GPC6: variants seen among roughly 807,000 people sequenced by gnomAD.
The protein encoded by GPC6 is glypican-6.
GPC6 carries 14 observed loss-of-function variants against 55.2 expected under a neutral mutation model. That is an observed-to-expected ratio of 0.25 (90% confidence interval 0.17 to 0.40). GPC6 has a LOEUF of 0.40. Among genes scored for constraint, GPC6 ranks in the 10% least tolerant of loss-of-function variants. The pLI is 1.00. For missense variants in GPC6, 641 were observed against 708.5 expected (o/e 0.90, Z 1.08); for synonymous variants, 278 against 259.6 (o/e 1.07, Z -0.68).
intron 2 of GPC6, among the ~76,000 whole-genome samples, chr13:93,594,861 C>T (rs1344327603): frequency 6.6e-6 from 1 of 151,214 alleles, no homozygotes; most frequent in African/African-American, 2.4e-5. Flanking sequence ...TTTAGAAGTG[C>T]ACTTATTCTA....
At chr13:93,658,103 A>G (rs1880762444) in intron 2 of GPC6, among the ~76,000 whole-genome samples, 1 of 152,012 alleles carries the variant, frequency 6.6e-6, no homozygotes, top group African/African-American at 2.4e-5. Context: ...TTTAAGTGTA[A>G]CATTTGATGA....
rs7988521 is a variant in GPC6, at chr13:94,083,353, T to C, written c.877+55459T>C. Reference sequence around the variant, plus strand: ...CAGGATGGTCTCGATCTCCTGACCTTGTGATGCGCCCACCTTGGCCTCCCA... The same window carrying C: ...CAGGATGGTCTCGATCTCCTGACCTCGTGATGCGCCCACCTTGGCCTCCCA... On this transcript the variant is annotated intron_variant, in intron 4 of 8. Coordinates refer to ENST00000377047, the MANE Select transcript of GPC6 (RefSeq NM_005708.5). 6.7e-3 allele frequency among the ~76,000 whole-genome samples: 1,021 copies of C among 152,256 alleles called. 11 individuals carry two copies. Among genetic ancestry groups the C allele is most frequent in the African/African-American group, 0.023 (951 of 41,570 alleles).
Position 93,556,398 on chromosome 13 carries a change from G to GTATATA in GPC6, c.319+10980_319+10981insATATAT, listed in dbSNP as rs1555311039. 1.4e-4 allele frequency among the ~76,000 whole-genome samples: 16 copies of GTATATA among 114,610 alleles called. 1 individual carries two copies. The highest frequency in any genetic ancestry group is 5.0e-4 in the Admixed American group (5 of 9,998). 75.2% of individuals were successfully genotyped at this position (114,610 alleles called of 152,430 possible). On this transcript the variant is annotated intron_variant, in intron 2 of 8. Coordinates refer to ENST00000377047, the MANE Select transcript of GPC6 (RefSeq NM_005708.5). ...AGTGTGTGTGTGTGTGTGTGTGTATGTATGTATATGTATATATATATATAT... is the reference window on the plus strand; with the variant it reads ...AGTGTGTGTGTGTGTGTGTGTGTATGTATATATATGTATATGTATATATATATATAT...
intron 2 of GPC6, among the ~76,000 whole-genome samples, chr13:93,682,620 C>A (rs1881889246): frequency 6.6e-6 from 1 of 151,988 alleles, no homozygotes; most frequent in Admixed American, 6.6e-5. Context: ...CTAAGTAGTT[C>A]CTAATAATTG....
At chr13:94,211,783 C>T (rs1363886338) in intron 4 of GPC6, among the ~76,000 whole-genome samples, 1 of 152,196 alleles carries the variant, frequency 6.6e-6, no homozygotes, top group Non-Finnish European at 1.5e-5. Flanking sequence ...CTATTATATA[C>T]CAACAGAGTT....
At chr13:93,614,171 A>G (rs1346603636) in intron 2 of GPC6, among the ~76,000 whole-genome samples, 2 of 152,178 alleles carry the variant, frequency 1.3e-5, no homozygotes, top group East Asian at 3.9e-4. Context: ...TACCATGTTA[A>G]CATAAATGTT....
intron 4 of GPC6, among the ~76,000 whole-genome samples, chr13:94,161,269 C>T (rs1341886752): frequency 6.6e-6 from 1 of 150,658 alleles, no homozygotes; most frequent in East Asian, 1.9e-4. Context: ...GCATCCACAA[C>T]CATTTCCTCA....
intron 3 of GPC6, among the ~76,000 whole-genome samples, chr13:93,955,184 T>C (rs1879446736): frequency 6.6e-6 from 1 of 151,298 alleles, no homozygotes; most frequent in Non-Finnish European, 1.5e-5. Flanking sequence ...TTTGATATCT[T>C]CTTGCCAGTG....
chr13:94,020,741 C>T (rs1882663614), intron 3 of GPC6, among the ~76,000 whole-genome samples: 2 of 152,148 alleles, frequency 1.3e-5, no homozygotes, highest in Non-Finnish European at 2.9e-5. Flanking sequence ...AATGACTGAA[C>T]ATGAACATAT....
At chr13:93,586,314 G>A (rs1322807069) in intron 2 of GPC6, among the ~76,000 whole-genome samples, 2 of 152,136 alleles carry the variant, frequency 1.3e-5, no homozygotes, top group Non-Finnish European at 2.9e-5. Context: ...TGGCTGCATA[G>A]TATTCCATGG....
intron 1 of GPC6, among the ~76,000 whole-genome samples, chr13:93,540,845 C>G (rs976157353): frequency 8.5e-5 from 13 of 152,234 alleles, no homozygotes; most frequent in African/African-American, 3.1e-4. Context: ...CTCTTACTTT[C>G]CTCTACCCTT....
intron 3 of GPC6, among the ~76,000 whole-genome samples, chr13:93,929,051 T>C (rs1303434172): frequency 6.6e-6 from 1 of 152,160 alleles, no homozygotes; most frequent in Non-Finnish European, 1.5e-5. Flanking sequence ...TTCTGTGGAG[T>C]GTGCTTGTCA....
At chr13:93,417,451 C>T (rs1208138862) in intron 1 of GPC6, among the ~76,000 whole-genome samples, 1 of 152,062 alleles carries the variant, frequency 6.6e-6, no homozygotes, top group Non-Finnish European at 1.5e-5. Flanking sequence ...TGAGCTCCCA[C>T]ACCCAGAAAC....
intron 1 of GPC6, among the ~76,000 whole-genome samples, chr13:93,392,063 A>G (rs755901813): frequency 2.0e-5 from 3 of 152,222 alleles, no homozygotes; most frequent in Non-Finnish European, 2.9e-5. Context: ...TTATAGTGAA[A>G]TAGAATAACA....
At chr13:93,216,932 C>A in the GPC6 span, among the ~76,000 whole-genome samples, 2 of 152,016 alleles carry the variant, frequency 1.3e-5, no homozygotes, top group African/African-American at 4.8e-5. Flanking sequence ...GACCATTGTA[C>A]AAATATAAAA....
chr13:93,563,759 G>GAA (rs532310587), intron 2 of GPC6, among the ~76,000 whole-genome samples: 7 of 105,542 alleles, frequency 6.6e-5, no homozygotes, highest in Non-Finnish European at 1.5e-4. Flanking sequence ...GAGAATGAAA[G>GAA]AAAAAAAAAA....
chr13:93,839,307 A>AT (rs1165258288), intron 3 of GPC6, among the ~76,000 whole-genome samples: 4 of 152,082 alleles, frequency 2.6e-5, no homozygotes, highest in African/African-American at 9.7e-5. Flanking sequence ...CACAAGATAC[A>AT]CACCAAAATT....
intron 4 of GPC6, among the ~76,000 whole-genome samples, chr13:94,274,820 C>T (rs1223533368): frequency 1.3e-5 from 2 of 151,656 alleles, no homozygotes; most frequent in South Asian, 2.1e-4. Flanking sequence ...TTTTCAATTT[C>T]AAGCTAAAAG....
intron 3 of GPC6, among the ~76,000 whole-genome samples, chr13:94,023,280 A>T (rs1882770443): frequency 6.6e-6 from 1 of 151,884 alleles, no homozygotes; most frequent in Admixed American, 6.6e-5. Flanking sequence ...TTTGCTAAAC[A>T]TATAGACTTA....
Sources: allele counts gnomAD v4.1 joint callset (sites outside exome capture counted in the v4.1 genomes callset), GRCh38; gene constraint gnomAD v4.1.1; transcripts MANE v1.5; gene names NCBI Gene and HGNC (gene_info 2026-07-23, HGNC 2026-07-21).